CDH8: variants seen among roughly 807,000 people sequenced by gnomAD.
CDH8 encodes cadherin 8.
Under a neutral mutation model 68.1 loss-of-function variants are expected in CDH8, and 17 were observed. The observed-to-expected ratio is 0.25, with a 90% CI of 0.17 to 0.37. The LOEUF (loss-of-function observed/expected upper bound fraction) is 0.37, where lower values mean the gene tolerates loss of function less well. CDH8 is among the 10% of genes least tolerant of loss of function. The probability of loss-of-function intolerance (pLI) is 1.00; values close to 1 mark genes in which losing one functional copy is unlikely to be tolerated. For missense variants in CDH8, 763 were observed against 999.3 expected (o/e 0.76, Z 3.19); for synonymous variants, 372 against 365.1 (o/e 1.02, Z -0.21).
At chr16:61,707,700 C>T (rs1964559128) in intron 10 of CDH8, among the ~76,000 whole-genome samples, 2 of 152,074 alleles carry the variant, frequency 1.3e-5, no homozygotes. Flanking sequence ...ATGCAAAATG[C>T]AAACTTCTGT....
intron 10 of CDH8, among the ~76,000 whole-genome samples, chr16:61,676,788 A>T (rs1271309161): frequency 6.6e-6 from 1 of 152,104 alleles, no homozygotes; most frequent in Non-Finnish European, 1.5e-5. Context: ...TCATCCTAAA[A>T]ATAAAAAATA....
chr16:62,021,471 C>T lies in CDH8; in HGVS notation c.-68G>A. The T allele has an allele frequency of 6.5e-7, 1 of 1,544,720 alleles. No homozygotes were observed. Among genetic ancestry groups the T allele is most frequent in the South Asian group, 1.3e-5 (1 of 78,300 alleles). On this transcript the variant is annotated 5_prime_UTR_variant, in exon 2 of 12. An upstream start codon of the reference 5' UTR is lost. Transcript: ENST00000577390. Reference sequence around the variant, plus strand: ...ATTTTTTTTGTCTCCGGTCTGCAGCCATCCAATTCATCATGCAGTGCCGAG... The same window carrying T: ...ATTTTTTTTGTCTCCGGTCTGCAGCTATCCAATTCATCATGCAGTGCCGAG...
At chr16:61,799,925 G>T (rs1015024607) in intron 7 of CDH8, among the ~76,000 whole-genome samples, 3 of 152,072 alleles carry the variant, frequency 2.0e-5, no homozygotes, top group Non-Finnish European at 4.4e-5. Context: ...CAAAGACAAG[G>T]TCTCACGAGG....
intron 8 of CDH8, among the ~76,000 whole-genome samples, chr16:61,753,920 G>T (rs1216103638): frequency 6.6e-6 from 1 of 152,022 alleles, no homozygotes; most frequent in East Asian, 1.9e-4. Flanking sequence ...GGTCACATTG[G>T]ATATTATTAT....
At chr16:61,780,725 G>A (rs1190524543) in intron 8 of CDH8, among the ~76,000 whole-genome samples, 4 of 152,140 alleles carry the variant, frequency 2.6e-5, no homozygotes, top group Non-Finnish European at 5.9e-5. Flanking sequence ...AACATCATGT[G>A]ATGGGCTAAA....
At chr16:61,916,211 G>A (rs543177617) in intron 2 of CDH8, among the ~76,000 whole-genome samples, 4 of 152,106 alleles carry the variant, frequency 2.6e-5, no homozygotes, top group Non-Finnish European at 5.9e-5. Context: ...TATCCACTCT[G>A]ATTATTAAAA....
intron 3 of CDH8, among the ~76,000 whole-genome samples, chr16:61,868,710 A>G (rs1414250781): frequency 6.6e-6 from 1 of 152,168 alleles, no homozygotes; most frequent in Non-Finnish European, 1.5e-5. Flanking sequence ...AAACTGTCAG[A>G]TTTTGAAGCA....
intron 3 of CDH8, among the ~76,000 whole-genome samples, chr16:61,874,417 C>T (rs375381463): frequency 6.6e-5 from 10 of 151,954 alleles, no homozygotes; most frequent in South Asian, 2.1e-4. Flanking sequence ...CTGCAAGCTC[C>T]GCCTCCCAGG....
At chr16:61,991,361 G>A (rs1400605631) in intron 2 of CDH8, among the ~76,000 whole-genome samples, 1 of 152,136 alleles carries the variant, frequency 6.6e-6, no homozygotes, top group Non-Finnish European at 1.5e-5. Context: ...TTTCCCCATA[G>A]AAACCAAAGG....
intron 8 of CDH8, among the ~76,000 whole-genome samples, chr16:61,753,296 G>C (rs1300361677): frequency 5.3e-5 from 8 of 150,532 alleles, no homozygotes; most frequent in Non-Finnish European, 4.4e-5. Flanking sequence ...CTGGAGTGCA[G>C]TGGTGCAATC....
intron 2 of CDH8, among the ~76,000 whole-genome samples, chr16:61,969,164 T>C (rs551644971): frequency 6.6e-6 from 1 of 152,334 alleles, no homozygotes; most frequent in Admixed American, 6.5e-5. Flanking sequence ...ATATGGGCAA[T>C]AATGATCTGA....
rs192872296 is a variant in CDH8, at chr16:61,747,196, T to C, written c.1415-19981A>G. ...AGAAAGGTAACTAGAGATAGAATAT[T>C]ATGTATTCTTGTAATAAGATTGTAA... On this transcript the variant is annotated intron_variant, in intron 8 of 11. Transcript: ENST00000577390. Among the ~76,000 whole-genome samples, 57 of 152,214 alleles carry C rather than the reference T, an allele frequency of 3.7e-4. No individual in the cohort carries two copies. In the East Asian group the frequency reaches 9.6e-3, roughly 26 times the overall value.
intron 9 of CDH8, among the ~76,000 whole-genome samples, chr16:61,723,789 C>T (rs894454557): frequency 2.0e-5 from 3 of 150,528 alleles, no homozygotes; most frequent in Non-Finnish European, 4.5e-5. Flanking sequence ...AACACACATT[C>T]CCATTTTTGC....
chr16:61,672,928 G>A (rs890589096), intron 10 of CDH8, among the ~76,000 whole-genome samples: 6 of 152,000 alleles, frequency 3.9e-5, no homozygotes, highest in Non-Finnish European at 8.8e-5. Context: ...TACAGATGTT[G>A]ATTTAAAACT....
intron 8 of CDH8, among the ~76,000 whole-genome samples, chr16:61,768,311 C>CCTTTCT (rs1473315537): frequency 6.1e-5 from 1 of 16,398 alleles, no homozygotes; most frequent in Non-Finnish European, 1.2e-4. Flanking sequence ...TGTGTCTCTC[C>CCTTTCT]CTTTCTCTCT....
chr16:61,863,439 G>T (rs958431351), intron 3 of CDH8, among the ~76,000 whole-genome samples: 3 of 152,292 alleles, frequency 2.0e-5, no homozygotes, highest in Admixed American at 6.5e-5. Flanking sequence ...TCAGGAAAAT[G>T]AGATGTTGGG....
chr16:61,973,447 CA>C (rs1965379889), intron 2 of CDH8, among the ~76,000 whole-genome samples: 1 of 152,174 alleles, frequency 6.6e-6, no homozygotes, highest in African/African-American at 2.4e-5. Flanking sequence ...TGCAGGAAGT[CA>C]AAAGCTGCAT....
At chr16:61,887,700 G>C (rs1455389117) in intron 3 of CDH8, among the ~76,000 whole-genome samples, 2 of 152,084 alleles carry the variant, frequency 1.3e-5, no homozygotes, top group Non-Finnish European at 2.9e-5. Context: ...GATACTAAGA[G>C]TTATGGATTC....
chr16:61,749,301 G>C (rs1960100587), intron 8 of CDH8, among the ~76,000 whole-genome samples: 2 of 152,032 alleles, frequency 1.3e-5, no homozygotes, highest in African/African-American at 4.8e-5. Context: ...ATCTTCCTCT[G>C]TCTATACCAT....
Sources: allele counts gnomAD v4.1 joint callset (sites outside exome capture counted in the v4.1 genomes callset), GRCh38; gene constraint gnomAD v4.1.1; transcripts MANE v1.5; gene names NCBI Gene and HGNC (gene_info 2026-07-23, HGNC 2026-07-21).